The following LOXL2 variants were observed in gnomAD, a reference collection of about 807,000 sequenced individuals.
LOXL2 encodes lysyl oxidase like 2.
In LOXL2, 70 loss-of-function variants were observed where a neutral mutation model predicts 93.0. That is an observed-to-expected ratio of 0.75 (90% confidence interval 0.62 to 0.92). LOXL2 has a LOEUF of 0.92. LOXL2 is among the 40% of genes least tolerant of loss of function. The probability of loss-of-function intolerance (pLI) is 0.00; values close to 1 mark genes in which losing one functional copy is unlikely to be tolerated. For synonymous variants in LOXL2, 438 were observed against 413.2 expected (o/e 1.06, Z -0.73); for missense variants, 973 against 1,054.9 (o/e 0.92, Z 1.08).
chr8:23,358,858 T>C (rs931162460), intron 3 of LOXL2, among the ~76,000 whole-genome samples: 1 of 151,344 alleles, frequency 6.6e-6, no homozygotes, highest in Non-Finnish European at 1.5e-5. Flanking sequence ...TTTTTTTTTT[T>C]TTTCAGACAG....
chr8:23,313,397 C>T (rs1201880889), intron 9 of LOXL2, among the ~76,000 whole-genome samples: 4 of 151,174 alleles, frequency 2.6e-5, no homozygotes, highest in Admixed American at 6.6e-5. Flanking sequence ...CTTCAAACTA[C>T]ACTACAAGGC....
rs578175540 is a variant in LOXL2 at position 23,371,008 on chromosome 8, G to A, written c.-83-2574C>T. On this transcript the variant is annotated intron_variant, in intron 1 of 13. Transcript: ENST00000389131. The stretch of plus-strand genomic sequence containing the variant: ...AAGGAAAACCACATCTGGGCACATC[G>A]AAATCCAACTGCAGAGAAGACAAGA... The A allele has an allele frequency of 3.3e-5, 5 of 152,172 alleles. No homozygotes were observed. The South Asian group carries it at 6.2e-4, about 19-fold the overall frequency. The allele number at this position is 152,172 out of a possible 1,614,324, so 9.4% of individuals were successfully genotyped here. A position where few individuals can be genotyped will look rare whatever the true frequency, so the allele number is the denominator to read the frequency against.
At chr8:23,306,691 T>C (rs186264011) in intron 10 of LOXL2, among the ~76,000 whole-genome samples, 2 of 152,394 alleles carry the variant, frequency 1.3e-5, no homozygotes, top group African/African-American at 4.8e-5. Context: ...TCATCTGAGC[T>C]GGAGCCCACA....
intron 2 of LOXL2, among the ~76,000 whole-genome samples, chr8:23,367,345 G>C (rs1296969163): frequency 1.3e-5 from 2 of 152,080 alleles, no homozygotes; most frequent in Admixed American, 1.3e-4. Context: ...CACTGCGCCT[G>C]GCCAGCTCTT....
At chr8:23,308,815 G>A (rs886256404) in intron 10 of LOXL2, among the ~76,000 whole-genome samples, 3 of 152,096 alleles carry the variant, frequency 2.0e-5, no homozygotes, top group African/African-American at 7.2e-5. Flanking sequence ...GGACAGGCGA[G>A]GTCCCAGGTG....
intron 3 of LOXL2, among the ~76,000 whole-genome samples, chr8:23,349,125 C>T (rs1484624140): frequency 6.6e-6 from 1 of 152,178 alleles, no homozygotes; most frequent in African/African-American, 2.4e-5. Context: ...CTTTGCCCTT[C>T]TATCAGCTTG....
Position 23,368,410 on chromosome 8 carries a change from G to A in LOXL2, c.-59C>T, listed in dbSNP as rs549993136. 16 of 1,465,080 alleles carry A rather than the reference G, an allele frequency of 1.1e-5. No individual in the cohort carries two copies. Among genetic ancestry groups the A allele is most frequent in the South Asian group, 2.3e-5 (2 of 87,868 alleles). The allele number at this position is 1,465,080 out of a possible 1,614,324, so 90.8% of individuals were successfully genotyped here. A position where few individuals can be genotyped will look rare whatever the true frequency, so the allele number is the denominator to read the frequency against. On this transcript the variant is annotated 5_prime_UTR_variant, in exon 2 of 14. Transcript: ENST00000389131. ...CCCTGCGCAGCTGGGAGGGACAGGC[G>A]GGGTACAGAAGCAGCAGGAGCTTTC... is the stretch of plus-strand genomic sequence containing the variant.
chr8:23,362,250 G>A (rs979912766), intron 2 of LOXL2, among the ~76,000 whole-genome samples: 1 of 152,200 alleles, frequency 6.6e-6, no homozygotes, highest in African/African-American at 2.4e-5. Context: ...AATATTGTAT[G>A]GGGTATCTAG....
At chr8:23,373,969 C>G (rs1054445281) in intron 1 of LOXL2, among the ~76,000 whole-genome samples, 1 of 152,026 alleles carries the variant, frequency 6.6e-6, no homozygotes, top group African/African-American at 2.4e-5. Context: ...TTTTTTTATA[C>G]TGTAAGTTCT....
intron 2 of LOXL2, chr8:23,363,367 G>C (rs1479423169): frequency 6.6e-6 from 1 of 152,142 alleles, no homozygotes; most frequent in African/African-American, 2.4e-5. Context: ...AGAGCTAATT[G>C]AAAACATCTG....
intron 3 of LOXL2, among the ~76,000 whole-genome samples, chr8:23,358,172 G>A (rs1038336348): frequency 2.6e-5 from 4 of 152,222 alleles, no homozygotes; most frequent in Non-Finnish European, 4.4e-5. Flanking sequence ...AAGCAAAGCT[G>A]TCATCAGTGA....
intron 12 of LOXL2, among the ~76,000 whole-genome samples, chr8:23,300,170 G>A (rs528722191): frequency 1.3e-5 from 2 of 152,368 alleles, no homozygotes; most frequent in South Asian, 4.1e-4. Context: ...CCGTGAGGGC[G>A]GCTGGATGCA....
At chr8:23,321,937 G>A in intron 7 of LOXL2, 193 bp downstream of exon 7, 2 of 606,514 alleles carry the variant, frequency 3.3e-6, no homozygotes, top group South Asian at 4.0e-5. Context: ...GCACACAGGG[G>A]CTTGGGCCTG....
At chr8:23,360,862 TCTC>T (rs925513801) in intron 2 of LOXL2, among the ~76,000 whole-genome samples, 5 of 152,236 alleles carry the variant, frequency 3.3e-5, no homozygotes, top group Admixed American at 3.3e-4. Context: ...AAAAGTAAAC[TCTC>T]CTGCCACTGA....
Position 23,317,023 on chromosome 8 carries a change from C to T in LOXL2, c.1562G>A (p.Cys521Tyr). ...CSGTELSLAHCRHDGEDVACP... is the reference protein window; with the variant it reads ...CSGTELSLAHYRHDGEDVACP... ...GGCCACGTCCTCCCCGTCGTGGCGG[C>T]AGTGCGCCAGGGACAGCTCCGTTCC... The change falls in exon 9 of 14, where the codon TGC becomes TAC. Residue 521 changes from cysteine to tyrosine, a missense_variant. By Grantham distance (194) the Cys-to-Tyr change is radical. Transcript: ENST00000389131. 6.2e-7 allele frequency: 1 copy of T among 1,614,120 alleles called. No homozygotes were observed. Among genetic ancestry groups the T allele is most frequent in the Non-Finnish European group, 8.5e-7 (1 of 1,179,996 alleles).
At chr8:23,329,778 C>T (rs1803642552) in intron 5 of LOXL2, among the ~76,000 whole-genome samples, 1 of 152,190 alleles carries the variant, frequency 6.6e-6, no homozygotes, top group Non-Finnish European at 1.5e-5. Flanking sequence ...CTGATGGCCA[C>T]GGCGAGGCAG....
At chr8:23,306,937 C>T (rs1803238861) in intron 10 of LOXL2, among the ~76,000 whole-genome samples, 1 of 152,230 alleles carries the variant, frequency 6.6e-6, no homozygotes, top group Non-Finnish European at 1.5e-5. Context: ...GGGGCACTTT[C>T]CTCCAGGTCT....
chr8:23,385,228 A>G (rs1006341152), intron 1 of LOXL2, among the ~76,000 whole-genome samples: 3 of 150,778 alleles, frequency 2.0e-5, no homozygotes, highest in Non-Finnish European at 4.4e-5. Context: ...GTGGAAGAGA[A>G]AGTTGGATTT....
At chr8:23,386,046 C>G in intron 1 of LOXL2, 1 of 765,094 alleles carries the variant, frequency 1.3e-6, no homozygotes. Context: ...CCCTATTTTC[C>G]TAAGGAAAAA....
Sources: allele counts gnomAD v4.1 joint callset (sites outside exome capture counted in the v4.1 genomes callset), GRCh38; gene constraint gnomAD v4.1.1; transcripts MANE v1.5; gene names NCBI Gene and HGNC (gene_info 2026-07-23, HGNC 2026-07-21).